Variants in MED14 observed in about 807,000 individuals in gnomAD.
The protein encoded by MED14 is mediator of RNA polymerase II transcription subunit 14.
Under a neutral mutation model 109.0 loss-of-function variants are expected in MED14, and 8 were observed. That is an observed-to-expected ratio of 0.07 (90% CI 0.04 to 0.13). The LOEUF (loss-of-function observed/expected upper bound fraction) is 0.13, where lower values mean the gene tolerates loss of function less well. Among genes scored for constraint, MED14 ranks in the 10% least tolerant of loss-of-function variants. The probability of loss-of-function intolerance (pLI) is 1.00; values close to 1 mark genes in which losing one functional copy is unlikely to be tolerated. For synonymous variants in MED14, 399 were observed against 408.7 expected, an observed-to-expected ratio of 0.98 and a Z score of 0.29; for missense variants, 711 against 1,142.4, an observed-to-expected ratio of 0.62 and a Z score of 5.44.
At chrX:40,731,227 G>A (rs771988196) in intron 1 of MED14, among the ~76,000 whole-genome samples, 12 of 109,701 alleles carry the variant, frequency 1.1e-4, no homozygotes, top group Admixed American at 3.9e-4. Context: ...TATGTTGAGG[G>A]GGAAGGGAGG....
At position 40,680,815 on chromosome X, in the gene MED14, A is replaced by G; in HGVS notation, c.2553T>C (p.Ile851=). 1 of 1,205,447 alleles carries G rather than the reference A, an allele frequency of 8.3e-7. No homozygotes were observed. Among genetic ancestry groups the G allele is most frequent in the Non-Finnish European group, 1.1e-6 (1 of 890,374 alleles). Residue 851 remains isoleucine (I), a synonymous_variant, in exon 20 of 31, where the codon ATT becomes ATC. Coordinates refer to ENST00000324817, the MANE Select transcript of MED14 (RefSeq NM_004229.4). ...TGAACATTTCTTGAAGCTGATGGAGAATGGTATTGTGACAGTTACTGCAAC... is the reference window on the plus strand; with the variant it reads ...TGAACATTTCTTGAAGCTGATGGAGGATGGTATTGTGACAGTTACTGCAAC... ...NSGCSNCHNT[I]LHQLQEMFNK...
At position 40,720,483 on chromosome X, in the gene MED14, C is replaced by T. The variant is rs191704826; in HGVS notation, c.349-5773G>A. Among the ~76,000 whole-genome samples the T allele has an allele frequency of 2.5e-3, 279 of 111,985 alleles. 3 individuals carry two copies. The Middle Eastern group carries it at 0.028, about 11-fold the overall frequency. ...TTGGCTAGAGAATTGCCCATCGCAG[C>T]GGTTGGAACTTGAGTTTCTCAGCAA... On this transcript the variant is annotated intron_variant, in intron 3 of 30. Transcript: ENST00000324817.
At chrX:40,689,520 C>T (rs1930417145) in intron 15 of MED14, among the ~76,000 whole-genome samples, 1 of 110,207 alleles carries the variant, frequency 9.1e-6, no homozygotes, top group South Asian at 3.9e-4. Context: ...ATGGTAAAAC[C>T]CCGTCTCTAC....
intron 3 of MED14, among the ~76,000 whole-genome samples, chrX:40,718,903 T>A (rs1316962878): frequency 8.9e-6 from 1 of 111,979 alleles, no homozygotes; most frequent in Non-Finnish European, 1.9e-5. Flanking sequence ...TCCATTCACA[T>A]AGTCTTAGTT....
At chrX:40,696,936 T>C (rs1930744840) in intron 13 of MED14, 88 bp downstream of exon 13, 1 of 839,658 alleles carries the variant, frequency 1.2e-6, no homozygotes. Context: ...TTCAATAAAA[T>C]TCATTGGCAA....
chrX:40,725,808 C>T (rs1931875505), intron 3 of MED14, among the ~76,000 whole-genome samples: 1 of 111,559 alleles, frequency 9.0e-6, no homozygotes, highest in Non-Finnish European at 1.9e-5. Context: ...TATTATTCAA[C>T]ATAGTACTGG....
intron 4 of MED14, 84 bp downstream of exon 4, chrX:40,714,453 T>G: frequency 1.0e-6 from 1 of 996,796 alleles, no homozygotes; most frequent in Middle Eastern, 2.7e-4. Flanking sequence ...AACAATGTTT[T>G]TTGCTGGGCT....
rs535295710 is a variant in MED14, at chrX:40,715,921, G to C, written c.349-1211C>G. The stretch of plus-strand genomic sequence containing the variant: ...TGTGAAGAGACCACCCACAGAATGG[G>C]AGAAAATGTCTGCAAAATATCCATC... On this transcript the variant is annotated intron_variant, in intron 3 of 30. Coordinates refer to ENST00000324817, the MANE Select transcript of MED14 (RefSeq NM_004229.4). 1.9e-4 allele frequency among the ~76,000 whole-genome samples: 21 copies of C among 110,542 alleles called. No homozygotes were observed. The South Asian group carries it at 7.5e-3, about 40-fold the overall frequency.
intron 28 of MED14, among the ~76,000 whole-genome samples, chrX:40,656,104 T>G (rs1362097294): frequency 9.1e-6 from 1 of 110,340 alleles, no homozygotes; most frequent in Non-Finnish European, 1.9e-5. Context: ...TATTTAAAAT[T>G]TTAAATAATT....
chrX:40,664,249 A>G, intron 25 of MED14, 58 bp downstream of exon 25: 1 of 1,077,212 alleles, frequency 9.3e-7, no homozygotes, highest in Non-Finnish European at 1.3e-6. Flanking sequence ...AGGATGCAAC[A>G]AGATAGGTCA....
intron 13 of MED14, among the ~76,000 whole-genome samples, chrX:40,696,341 T>C (rs1930723312): frequency 9.2e-6 from 1 of 109,254 alleles, no homozygotes; most frequent in East Asian, 2.9e-4. Context: ...AGGATTTCAC[T>C]GTGTTAGCCA....
chrX:40,705,371 C>T (rs753393648), intron 10 of MED14, among the ~76,000 whole-genome samples: 1 of 111,944 alleles, frequency 8.9e-6, no homozygotes, highest in African/African-American at 3.2e-5. Context: ...CTAATTACCA[C>T]AATTGAGTAT....
chrX:40,723,302 A>G (rs764870156), intron 3 of MED14, among the ~76,000 whole-genome samples: 8 of 112,020 alleles, frequency 7.1e-5, no homozygotes, highest in Admixed American at 1.9e-4. Context: ...ATCAGTGTCA[A>G]GTTGTCATCA....
Position 40,663,150 on chromosome X carries a change from T to C in MED14, c.3459A>G (p.Thr1153=). 8.3e-7 allele frequency: 1 copy of C among 1,205,579 alleles called. No individual in the cohort carries two copies. Among genetic ancestry groups the C allele is most frequent in the Non-Finnish European group, 1.1e-6 (1 of 890,061 alleles). The change falls in exon 26 of 31, where the codon ACA becomes ACG. Residue 1153 remains threonine (T), a synonymous_variant. Transcript: ENST00000324817. ...HSPRAGTSSQ[T]MPTNMPPPRK... ...GAGGTGGAGGCATGTTTGTTGGCATTGTTTGAGAACCTTTTGGGAAGGAAA... is the reference window on the plus strand; with the variant it reads ...GAGGTGGAGGCATGTTTGTTGGCATCGTTTGAGAACCTTTTGGGAAGGAAA...
intron 7 of MED14, 30 bp from the exon 8 acceptor site, chrX:40,711,331 C>T: frequency 2.7e-6 from 3 of 1,125,332 alleles, no homozygotes; most frequent in Non-Finnish European, 3.6e-6. Context: ...AAAATTAATA[C>T]ATTACACCAA....
At chrX:40,709,486 A>G in intron 9 of MED14, 27 bp from the exon 10 acceptor site, 1 of 815,287 alleles carries the variant, frequency 1.2e-6, no homozygotes, top group Non-Finnish European at 1.7e-6. Context: ...AACAAATTCA[A>G]ATGTGCAATT....
At chrX:40,659,118 G>C in intron 28 of MED14, 109 bp downstream of exon 28, 1 of 404,189 alleles carries the variant, frequency 2.5e-6, no homozygotes, top group South Asian at 9.2e-5. Flanking sequence ...GAATTTAAGA[G>C]AAAAATAGAA....
At chrX:40,728,490 T>C (rs1931966755) in intron 2 of MED14, among the ~76,000 whole-genome samples, 1 of 110,112 alleles carries the variant, frequency 9.1e-6, no homozygotes, top group South Asian at 3.8e-4. Context: ...GGCAATGGAG[T>C]GTTGCCATTA....
rs757645365 is a variant in MED14, at chrX:40,712,301, T to C, written c.782-8A>G. 8.5e-7 allele frequency: 1 copy of C among 1,175,944 alleles called. No individual in the cohort carries two copies. The highest frequency in any genetic ancestry group is 1.2e-6 in the Non-Finnish European group (1 of 868,456). On this transcript the variant is annotated splice_region_variant and splice_polypyrimidine_tract_variant and intron_variant, in intron 6 of 30. Coordinates refer to ENST00000324817, the MANE Select transcript of MED14 (RefSeq NM_004229.4). ...GAACCAAAGCTCGCCCATCTTCCGT[T>C]GGCAGAAGAAAAGAAAGCAGTTAAT...
Sources: allele counts gnomAD v4.1 joint callset (sites outside exome capture counted in the v4.1 genomes callset), GRCh38; gene constraint gnomAD v4.1.1; transcripts MANE v1.5; gene names NCBI Gene and HGNC (gene_info 2026-07-23, HGNC 2026-07-21).